Variants in METTL4 observed in about 807,000 individuals in gnomAD.
METTL4 encodes methyltransferase 4, N6-adenosine.
METTL4 carries 40 observed loss-of-function variants against 54.0 expected under a neutral mutation model. The observed-to-expected ratio is 0.74, with a 90% CI of 0.58 to 0.96. The LOEUF is 0.96. METTL4 is among the 50% of genes least tolerant of loss of function. The pLI, the probability that METTL4 is intolerant of heterozygous loss-of-function variation, is 0.00. For synonymous variants in METTL4, 169 were observed against 183.8 expected, an observed-to-expected ratio of 0.92 and a Z score of 0.65; for missense variants, 525 against 549.0, an observed-to-expected ratio of 0.96 and a Z score of 0.44.
At chr18:2,556,632 G>A (rs1471990498) in intron 3 of METTL4, among the ~76,000 whole-genome samples, 1 of 151,754 alleles carries the variant, frequency 6.6e-6, no homozygotes, top group African/African-American at 2.4e-5. Flanking sequence ...AAAATATTGG[G>A]AATAAAAGTA....
Position 2,538,251 on chromosome 18 carries a change from T to C in METTL4, c.*749A>G, listed in dbSNP as rs749916853. 1.3e-5 allele frequency: 3 copies of C among 235,592 alleles called. No individual in the cohort carries two copies. Among genetic ancestry groups the C allele is most frequent in the South Asian group, 1.8e-4 (1 of 5,652 alleles). 14.6% of individuals were successfully genotyped at this position (235,592 alleles called of 1,614,324 possible). ...TAAGGAATAGCTTTTCATTTTCTTC[T>C]AGAAAAACAAGCAAAACCAGAAAGT... On this transcript the variant is annotated 3_prime_UTR_variant, in exon 9 of 9. Coordinates refer to ENST00000574538, the MANE Select transcript of METTL4 (RefSeq NM_022840.5).
At chr18:2,563,349 T>C (rs1032159359) in intron 3 of METTL4, among the ~76,000 whole-genome samples, 1 of 152,144 alleles carries the variant, frequency 6.6e-6, no homozygotes, top group South Asian at 2.1e-4. Flanking sequence ...TCCTAGCACT[T>C]TGGGAGGCTG....
At chr18:2,541,071 C>T (rs1330964755) in intron 8 of METTL4, among the ~76,000 whole-genome samples, 1 of 152,128 alleles carries the variant, frequency 6.6e-6, no homozygotes, top group Non-Finnish European at 1.5e-5. Context: ...ATCCTATTTT[C>T]TCAATGTAGT....
chr18:2,571,459 T>TGGGCGCGACCAGCACGCAGCC lies in METTL4; in HGVS notation c.-770_-750dup. ...ACCCCAGTTCCTGGGGTGACGCAGC[T>TGGGCGCGACCAGCACGCAGCC]GGGCGCGACCAGCACGCAGCCTTCC... On this transcript the variant is annotated 5_prime_UTR_variant, in exon 1 of 9. Coordinates refer to ENST00000574538, the MANE Select transcript of METTL4 (RefSeq NM_022840.5). 1 of 152,202 alleles carries TGGGCGCGACCAGCACGCAGCC rather than the reference T, an allele frequency of 6.6e-6. No individual in the cohort carries two copies. Among genetic ancestry groups the TGGGCGCGACCAGCACGCAGCC allele is most frequent in the Non-Finnish European group, 1.5e-5 (1 of 68,034 alleles). The allele number at this position is 152,202 out of a possible 1,614,324, so 9.4% of individuals were successfully genotyped here.
In METTL4 at chr18:2,540,441, A is replaced by G. The variant is rs774435680; in HGVS notation, c.1274-1296T>C. The G allele has an allele frequency of 1.1e-5, 11 of 983,246 alleles. 1 individual carries two copies. Among genetic ancestry groups the G allele is most frequent in the Non-Finnish European group, 1.1e-5 (9 of 827,932 alleles). The allele number at this position is 983,246 out of a possible 1,614,324, so 60.9% of individuals were successfully genotyped here. On this transcript the variant is annotated intron_variant, in intron 8 of 8. Transcript: ENST00000574538. ...ACAGGTAAGGTTTAAAAGAGAATAT[A>G]TCAAATATTTTAGGTTTCATCATGT...
Position 2,567,096 on chromosome 18 carries a change from T to A in METTL4, c.121A>T (p.Thr41Ser). 1 of 1,614,160 alleles carries A rather than the reference T, an allele frequency of 6.2e-7. No homozygotes were observed. Among genetic ancestry groups the A allele is most frequent in the Non-Finnish European group, 8.5e-7 (1 of 1,180,014 alleles). The stretch of plus-strand genomic sequence containing the variant: ...TGAAGAGACTCAAAGTGAACAGAAG[T>A]AGTGAACTCCTTTTTACGGCAACAA... ...EPCCRKKEFT[T>S]SVHFESLQMD... is the part of the protein sequence containing the mutation. Residue 41 changes from threonine (T) to serine (S), a missense_variant, in exon 2 of 9, where the codon ACT becomes TCT. Transcript: ENST00000574538.
intron 5 of METTL4, among the ~76,000 whole-genome samples, chr18:2,550,161 G>A (rs1392571416): frequency 6.6e-6 from 1 of 152,078 alleles, no homozygotes; most frequent in African/African-American, 2.4e-5. Context: ...AAGAATGTCA[G>A]GTCAAAAATT....
In METTL4 at chr18:2,544,606, G is replaced by A. The variant is rs3760589; in HGVS notation, c.1181+47C>T. ...ATGATTACTAATCATTTTTAAAAGC[G>A]TAAAAATTAATACATGTATACAATT... On this transcript the variant is annotated intron_variant, in intron 7 of 8. Coordinates refer to ENST00000574538, the MANE Select transcript of METTL4 (RefSeq NM_022840.5). 9,932 of 1,186,996 alleles carry A rather than the reference G, an allele frequency of 8.4e-3. 232 individuals are homozygous for A. Among genetic ancestry groups the A allele is most frequent in the East Asian group, 0.06 (2,567 of 42,484 alleles). The allele number at this position is 1,186,996 out of a possible 1,614,324, so 73.5% of individuals were successfully genotyped here.
intron 4 of METTL4, chr18:2,553,225 A>G (rs1205455725): frequency 1.3e-5 from 2 of 152,402 alleles, no homozygotes; most frequent in East Asian, 3.8e-4. Flanking sequence ...AGGATCAAAC[A>G]TTGCATTTAG....
chr18:2,566,018 G>C (rs1195931163), intron 2 of METTL4, among the ~76,000 whole-genome samples: 4 of 147,068 alleles, frequency 2.7e-5, no homozygotes, highest in Non-Finnish European at 4.5e-5. Flanking sequence ...CTGCACTCCA[G>C]CTTGGGTGAC....
intron 5 of METTL4, among the ~76,000 whole-genome samples, chr18:2,551,163 CAAAAAAAAAAAA>C (rs752257490): frequency 1.0e-4 from 5 of 49,288 alleles, no homozygotes; most frequent in African/African-American, 3.6e-4. Context: ...GACTCCGTCT[CAAAAAAAAAAAA>C]AAAAAAAAAA....
intron 8 of METTL4, chr18:2,539,825 T>G: frequency 1.1e-6 from 1 of 887,258 alleles, no homozygotes; most frequent in Non-Finnish European, 1.3e-6. Context: ...AAAAGAGCTC[T>G]AAAAAAAATT....
At position 2,537,767 on chromosome 18, in the gene METTL4, G is replaced by T. The variant is rs762017191; in HGVS notation, c.*1233C>A. ...AATATTTGTCAACAATCTGTAAATA[G>T]TATAAATGCTTTTCTCAAAATGCTA... On this transcript the variant is annotated 3_prime_UTR_variant, in exon 9 of 9. Coordinates refer to ENST00000574538, the MANE Select transcript of METTL4 (RefSeq NM_022840.5). 3.3e-5 allele frequency: 13 copies of T among 397,560 alleles called. No homozygotes were observed. Among genetic ancestry groups the T allele is most frequent in the Non-Finnish European group, 4.9e-5 (11 of 225,644 alleles). 24.6% of individuals were successfully genotyped at this position (397,560 alleles called of 1,614,324 possible).
At chr18:2,564,986 T>C (rs1311272956) in intron 2 of METTL4, among the ~76,000 whole-genome samples, 1 of 152,142 alleles carries the variant, frequency 6.6e-6, no homozygotes, top group Non-Finnish European at 1.5e-5. Flanking sequence ...TCAATAAATA[T>C]TTGATGAAAG....
intron 8 of METTL4, chr18:2,540,504 G>C: frequency 1.0e-6 from 1 of 985,262 alleles, no homozygotes; most frequent in South Asian, 4.7e-5. Flanking sequence ...TTGTTCATCT[G>C]TCAGAAAGTA....
At chr18:2,545,371 A>T (rs1010541528) in intron 6 of METTL4, among the ~76,000 whole-genome samples, 10 of 152,140 alleles carry the variant, frequency 6.6e-5, no homozygotes, top group Admixed American at 5.9e-4. Context: ...GACTAAGTAG[A>T]TCATAATAAC....
At chr18:2,543,580 G>T (rs1390896380) in intron 8 of METTL4, among the ~76,000 whole-genome samples, 1 of 152,048 alleles carries the variant, frequency 6.6e-6, no homozygotes, top group African/African-American at 2.4e-5. Context: ...TGAGTGACTT[G>T]CCCAACTCCC....
intron 8 of METTL4, chr18:2,540,154 C>G: frequency 1.0e-6 from 1 of 985,218 alleles, no homozygotes. Flanking sequence ...GAGCTGTTGT[C>G]TACACTAAAA....
chr18:2,563,852 T>G lies in METTL4; in HGVS notation c.404A>C (p.Lys135Thr), dbSNP rs763057710. The G allele has an allele frequency of 5.6e-6, 9 of 1,609,126 alleles. No homozygotes were observed. Among genetic ancestry groups the G allele is most frequent in the Non-Finnish European group, 6.8e-6 (8 of 1,177,572 alleles). Residue 135 changes from lysine (K) to threonine (T), a missense_variant, in exon 3 of 9, where the codon AAA (lysine) becomes ACA (threonine). By Grantham distance (78) the Lys-to-Thr change is moderately conservative (BLOSUM62 -1). Transcript: ENST00000574538. ...ISISIIGKKR[K>T]RCVVFNQGEL... Reference sequence around the variant, plus strand: ...ACCTTGATTGAAAACAACACATCTTTTACGCTTCTAAAGGGTAGATCAATT... The same window carrying G: ...ACCTTGATTGAAAACAACACATCTTGTACGCTTCTAAAGGGTAGATCAATT...
Sources: allele counts gnomAD v4.1 joint callset (sites outside exome capture counted in the v4.1 genomes callset), GRCh38; gene constraint gnomAD v4.1.1; transcripts MANE v1.5; gene names NCBI Gene and HGNC (gene_info 2026-07-23, HGNC 2026-07-21).